The following NEK11 variants were observed in gnomAD, a reference collection of about 807,000 sequenced individuals.
NEK11 encodes the protein serine/threonine-protein kinase Nek11.
A neutral mutation model predicts 80.7 loss-of-function variants in NEK11; 72 were observed. The ratio of observed to expected loss-of-function variants is 0.89; its 90% CI spans 0.74 to 1.08. NEK11 has a LOEUF of 1.08. Among genes scored for constraint, NEK11 ranks in the 50% least tolerant of loss-of-function variants. NEK11 has a pLI of 0.00. For synonymous variants in NEK11, 251 were observed against 260.7 expected, an observed-to-expected ratio of 0.96 and a Z score of 0.36; for missense variants, 764 against 763.6, an observed-to-expected ratio of 1.00 and a Z score of -0.01.
At chr3:131,243,624 T>C (rs1402158404) in intron 16 of NEK11, 128 bp downstream of exon 16, 3 of 751,816 alleles carry the variant, frequency 4.0e-6, no homozygotes, top group Non-Finnish European at 4.3e-6. Context: ...CTGAGGCCAA[T>C]AGAAGTTGAA....
At chr3:131,233,856 C>T (rs1437962242) in intron 15 of NEK11, among the ~76,000 whole-genome samples, 1 of 152,170 alleles carries the variant, frequency 6.6e-6, no homozygotes. Context: ...AAACCTAGGT[C>T]CCTTGAAAGA....
chr3:131,084,275 G>A (rs1447795122), intron 4 of NEK11, among the ~76,000 whole-genome samples: 1 of 152,080 alleles, frequency 6.6e-6, no homozygotes, highest in Non-Finnish European at 1.5e-5. Flanking sequence ...CTATCACATC[G>A]TGGACCCACA....
chr3:131,097,907 T>C (rs1216851922), intron 4 of NEK11, among the ~76,000 whole-genome samples: 2 of 144,926 alleles, frequency 1.4e-5, no homozygotes, highest in African/African-American at 2.5e-5. Context: ...CTTCAAACTA[T>C]ACTACAAGGC....
intron 5 of NEK11, among the ~76,000 whole-genome samples, chr3:131,121,408 C>T (rs1361105331): frequency 4.6e-5 from 7 of 152,200 alleles, no homozygotes; most frequent in East Asian, 1.9e-4. Flanking sequence ...CTGGGATGTG[C>T]CTCCCAGTTA....
At chr3:131,140,369 GC>G (rs2086620468) in intron 7 of NEK11, among the ~76,000 whole-genome samples, 1 of 152,128 alleles carries the variant, frequency 6.6e-6, no homozygotes, top group African/African-American at 2.4e-5. Context: ...CCAGCTGATA[GC>G]CAGCATCAGT....
intron 17 of NEK11, among the ~76,000 whole-genome samples, chr3:131,337,732 G>A (rs2097211028): frequency 6.6e-6 from 1 of 152,044 alleles, no homozygotes; most frequent in African/African-American, 2.4e-5. Context: ...CTGGCCTACA[G>A]AACTGAGTGA....
intron 3 of NEK11, among the ~76,000 whole-genome samples, chr3:131,043,452 T>A (rs1157063808): frequency 1.3e-5 from 2 of 152,172 alleles, no homozygotes; most frequent in African/African-American, 4.8e-5. Context: ...CACAAGAACT[T>A]CATGAAGGAA....
At position 131,314,509 on chromosome 3, in the gene NEK11, C is replaced by T. The variant is rs2096816607; in HGVS notation, c.1719-35048C>T. Among the ~76,000 whole-genome samples, 3 of 152,316 alleles carry T rather than the reference C, an allele frequency of 2.0e-5. No homozygotes were observed. In the South Asian group the frequency reaches 6.2e-4, roughly 32 times the overall value. Reference sequence around the variant, plus strand: ...TCTTTTTCTCTTCCAGCTTTCCAATCTCTCTTTAGCACTTCCTATTGGCAG... The same window carrying T: ...TCTTTTTCTCTTCCAGCTTTCCAATTTCTCTTTAGCACTTCCTATTGGCAG... On this transcript the variant is annotated intron_variant, in intron 17 of 17. Coordinates refer to ENST00000383366, the MANE Select transcript of NEK11 (RefSeq NM_024800.5).
chr3:131,137,375 C>G (rs1005774064), intron 7 of NEK11, among the ~76,000 whole-genome samples: 4 of 152,092 alleles, frequency 2.6e-5, no homozygotes, highest in Admixed American at 2.6e-4. Context: ...TTGAGAAATA[C>G]AGTCCAACTT....
At chr3:131,155,330 A>G (rs1301579663) in intron 10 of NEK11, among the ~76,000 whole-genome samples, 2 of 152,204 alleles carry the variant, frequency 1.3e-5, no homozygotes, top group African/African-American at 2.4e-5. Context: ...AGTTTAAACC[A>G]CTGCACAGCT....
intron 5 of NEK11, among the ~76,000 whole-genome samples, chr3:131,115,992 T>TTCTCTTTC (rs1553878713): frequency 1.6e-5 from 2 of 123,300 alleles, no homozygotes; most frequent in Admixed American, 8.4e-5. Flanking sequence ...CTTTCTTTAT[T>TTCTCTTTC]ATACTTTAAG....
At chr3:131,314,134 T>A (rs1009433460) in intron 17 of NEK11, among the ~76,000 whole-genome samples, 26 of 147,274 alleles carry the variant, frequency 1.8e-4, no homozygotes, top group African/African-American at 6.5e-4. Context: ...AAAAAGAGTG[T>A]GTGTGTGTGT....
Position 131,029,620 on chromosome 3 carries a change from C to A in NEK11, c.-89C>A. On this transcript the variant is annotated 5_prime_UTR_variant, in exon 3 of 18. Transcript: ENST00000383366. The stretch of plus-strand genomic sequence containing the variant: ...TAACTTTTCATCTTTAAGGAACTGA[C>A]CAACACTGGATGAATTTGACCATTT... 2 of 1,293,560 alleles carry A rather than the reference C, an allele frequency of 1.5e-6. No individual in the cohort carries two copies. Among genetic ancestry groups the A allele is most frequent in the South Asian group, 1.4e-5 (1 of 73,150 alleles). The allele number at this position is 1,293,560 out of a possible 1,614,324, so 80.1% of individuals were successfully genotyped here. A position where few individuals can be genotyped will look rare whatever the true frequency, so the allele number is the denominator to read the frequency against.
chr3:131,129,432 C>A (rs1185088926), intron 5 of NEK11, among the ~76,000 whole-genome samples: 3 of 152,104 alleles, frequency 2.0e-5, no homozygotes, highest in African/African-American at 7.2e-5. Context: ...ACAGTGTTTT[C>A]TTACAGAGCA....
chr3:131,181,819 C>T (rs1467826410), intron 14 of NEK11, among the ~76,000 whole-genome samples: 1 of 149,710 alleles, frequency 6.7e-6, no homozygotes, highest in African/African-American at 2.5e-5. Context: ...TCATTTGTCA[C>T]AGTAGACATA....
chr3:131,043,166 G>T (rs1041240795), intron 3 of NEK11, among the ~76,000 whole-genome samples: 1 of 152,128 alleles, frequency 6.6e-6, no homozygotes, highest in African/African-American at 2.4e-5. Flanking sequence ...AAAAACCAGC[G>T]CAAAAAGGCT....
At chr3:131,112,012 T>C (rs1403933149) in intron 5 of NEK11, among the ~76,000 whole-genome samples, 2 of 152,184 alleles carry the variant, frequency 1.3e-5, no homozygotes, top group Non-Finnish European at 2.9e-5. Context: ...TAAACACTTT[T>C]GAGAAATGTT....
intron 17 of NEK11, among the ~76,000 whole-genome samples, chr3:131,333,213 G>C (rs1255431284): frequency 6.6e-6 from 1 of 152,182 alleles, no homozygotes; most frequent in Admixed American, 6.5e-5. Flanking sequence ...AGGGCAGCCA[G>C]AGAGAAAGGT....
At chr3:131,176,449 T>A (rs1324562279) in intron 14 of NEK11, among the ~76,000 whole-genome samples, 1 of 152,194 alleles carries the variant, frequency 6.6e-6, no homozygotes, top group Non-Finnish European at 1.5e-5. Flanking sequence ...TTCATAATAG[T>A]GTTTCCACCT....
Sources: allele counts gnomAD v4.1 joint callset (sites outside exome capture counted in the v4.1 genomes callset), GRCh38; gene constraint gnomAD v4.1.1; transcripts MANE v1.5; gene names NCBI Gene and HGNC (gene_info 2026-07-23, HGNC 2026-07-21).